Variants in PBX3 observed in about 807,000 individuals in gnomAD.
PBX3 encodes pre-B-cell leukemia transcription factor 3.
Under a neutral mutation model 48.5 loss-of-function variants are expected in PBX3, and 14 were observed. The observed-to-expected ratio is 0.29, with a 90% CI of 0.19 to 0.45. The LOEUF (loss-of-function observed/expected upper bound fraction) is 0.45, where lower values mean the gene tolerates loss of function less well. Ranked by LOEUF, PBX3 falls within the 20% of genes least tolerant of loss-of-function variation. The pLI is 1.00. For synonymous variants in PBX3, 210 were observed against 200.3 expected, an observed-to-expected ratio of 1.05 and a Z score of -0.41; for missense variants, 386 against 546.7, an observed-to-expected ratio of 0.71 and a Z score of 2.93.
At chr9:125,873,514 G>A (rs767141264) in intron 2 of PBX3, among the ~76,000 whole-genome samples, 1 of 152,120 alleles carries the variant, frequency 6.6e-6, no homozygotes, top group African/African-American at 2.4e-5. Flanking sequence ...GACAAAACAA[G>A]TGGTTATAAA....
At chr9:125,778,605 C>CTTTTTTTTTTTTTTTTTATTTTTTTTT (rs138965100) in intron 2 of PBX3, among the ~76,000 whole-genome samples, 2 of 132,896 alleles carry the variant, frequency 1.5e-5, no homozygotes, top group Non-Finnish European at 3.1e-5. Context: ...TTGATCTTTT[C>CTTTTTTTTTTTTTTTTTATTTTTTTTT]TTTTTTTTTT....
chr9:125,786,597 T>C (rs1323347862), intron 2 of PBX3, among the ~76,000 whole-genome samples: 2 of 152,174 alleles, frequency 1.3e-5, no homozygotes, highest in Admixed American at 6.5e-5. Context: ...GGATGAATGA[T>C]GGAGCAGAGT....
At chr9:125,820,964 A>G (rs777336877) in intron 2 of PBX3, among the ~76,000 whole-genome samples, 2 of 152,224 alleles carry the variant, frequency 1.3e-5, no homozygotes, top group Non-Finnish European at 2.9e-5. Flanking sequence ...AAGAAAAGCA[A>G]TGAAATTTTA....
At chr9:125,804,917 A>AGATCAGGATGAGATCAT (rs879326095) in intron 2 of PBX3, among the ~76,000 whole-genome samples, 1 of 147,046 alleles carries the variant, frequency 6.8e-6, no homozygotes, top group Admixed American at 6.8e-5. Flanking sequence ...ACTGCACTCC[A>AGATCAGGATGAGATCAT]GCCTGGGTGA....
At chr9:125,925,485 C>T (rs1048550993) in intron 3 of PBX3, among the ~76,000 whole-genome samples, 1 of 152,018 alleles carries the variant, frequency 6.6e-6, no homozygotes, top group African/African-American at 2.4e-5. Flanking sequence ...TTCTTTCTCT[C>T]ACTCTGTCAC....
At chr9:125,771,414 A>G (rs981836046) in intron 2 of PBX3, among the ~76,000 whole-genome samples, 1 of 152,228 alleles carries the variant, frequency 6.6e-6, no homozygotes, top group African/African-American at 2.4e-5. Flanking sequence ...AGCAGACATT[A>G]TAACTATGAC....
chr9:125,883,403 C>T (rs988751363), intron 2 of PBX3, among the ~76,000 whole-genome samples: 29 of 152,148 alleles, frequency 1.9e-4, no homozygotes, highest in Admixed American at 5.9e-4. Context: ...GTAATCTATA[C>T]GAGGCTATTT....
At chr9:125,805,117 T>G (rs1030585619) in intron 2 of PBX3, among the ~76,000 whole-genome samples, 6 of 151,990 alleles carry the variant, frequency 3.9e-5, no homozygotes, top group African/African-American at 1.4e-4. Flanking sequence ...AAGAAAATAT[T>G]TTTTTGAGGC....
intron 2 of PBX3, chr9:125,865,128 A>G: frequency 6.2e-6 from 1 of 161,042 alleles, no homozygotes. Context: ...TTAAATCTAC[A>G]CTTTCTAGAA....
chr9:125,822,528 T>G (rs1383714979), intron 2 of PBX3, among the ~76,000 whole-genome samples: 3 of 152,172 alleles, frequency 2.0e-5, no homozygotes, highest in African/African-American at 7.2e-5. Context: ...ATAATACTCT[T>G]TCTTTAGAAA....
rs138144415 is a variant in PBX3 at position 125,915,650 on chromosome 9, T to C, written c.275-36T>C. The C allele has an allele frequency of 6.0e-3, 9,167 of 1,537,834 alleles. 60 individuals carry two copies. Among genetic ancestry groups the C allele is most frequent in the Middle Eastern group, 0.025 (118 of 4,730 alleles). ...CACTATTTGTCCTCTGTTTCTCGCT[T>C]CTTCTCTCTCTGTCTCTCTCTCTCT... is the stretch of plus-strand genomic sequence containing the variant. On this transcript the variant is annotated intron_variant, in intron 2 of 8. Transcript: ENST00000373489.
intron 2 of PBX3, among the ~76,000 whole-genome samples, chr9:125,780,967 C>T (rs1837283923): frequency 8.7e-6 from 1 of 114,844 alleles, no homozygotes; most frequent in Admixed American, 8.8e-5. Context: ...GGGGTTGCGG[C>T]CGGGCAGAGG....
chr9:125,868,998 T>C (rs763262025), intron 2 of PBX3, among the ~76,000 whole-genome samples: 4 of 152,190 alleles, frequency 2.6e-5, no homozygotes, highest in Non-Finnish European at 5.9e-5. Flanking sequence ...GACTATGAGA[T>C]AGCAGCAACA....
At chr9:125,876,063 A>T (rs1840239931) in intron 2 of PBX3, among the ~76,000 whole-genome samples, 1 of 152,190 alleles carries the variant, frequency 6.6e-6, no homozygotes, top group South Asian at 2.1e-4. Flanking sequence ...TAATACAAAA[A>T]AATTCCTCAT....
At chr9:125,927,129 T>C (rs1458269458) in intron 3 of PBX3, among the ~76,000 whole-genome samples, 1 of 152,182 alleles carries the variant, frequency 6.6e-6, no homozygotes, top group Non-Finnish European at 1.5e-5. Context: ...TAAGAATTCT[T>C]CTCTTATGAT....
At chr9:125,870,327 C>T (rs1023717857) in intron 2 of PBX3, among the ~76,000 whole-genome samples, 9 of 152,124 alleles carry the variant, frequency 5.9e-5, no homozygotes, top group African/African-American at 2.2e-4. Context: ...CCTTGGCCTC[C>T]CAAAGTGCTG....
chr9:125,807,872 A>G (rs1838173344), intron 2 of PBX3, among the ~76,000 whole-genome samples: 1 of 152,216 alleles, frequency 6.6e-6, no homozygotes, highest in South Asian at 2.1e-4. Context: ...TATGTTATCA[A>G]AAAGAGACAT....
intron 2 of PBX3, among the ~76,000 whole-genome samples, chr9:125,777,445 C>A (rs1306889953): frequency 2.0e-5 from 3 of 151,440 alleles, no homozygotes; most frequent in African/African-American, 7.3e-5. Flanking sequence ...AACCTCCACC[C>A]CCTGGGTTCA....
chr9:125,833,544 T>C (rs935057387), intron 2 of PBX3, among the ~76,000 whole-genome samples: 16 of 152,302 alleles, frequency 1.1e-4, no homozygotes, highest in African/African-American at 3.9e-4. Flanking sequence ...GTAAATTTTA[T>C]ATCCTAATTT....
Sources: gnomAD v4.1 joint callset for allele counts (sites outside exome capture counted in the v4.1 genomes callset) on GRCh38, gnomAD v4.1.1 for gene constraint, MANE v1.5 for transcripts, NCBI Gene and HGNC (gene_info 2026-07-23, HGNC 2026-07-21) for gene names.